The following INTS9 variants were observed in gnomAD, a reference collection of about 807,000 sequenced individuals.
The protein encoded by INTS9 is integrator complex subunit 9, also known as protein related to CPSF subunits of 74 kDa.
INTS9 carries 55 observed loss-of-function variants against 79.7 expected under a neutral mutation model. That is an observed-to-expected ratio of 0.69 (90% CI 0.56 to 0.86). The LOEUF (loss-of-function observed/expected upper bound fraction) is 0.86. INTS9 is among the 40% of genes least tolerant of loss of function. The pLI is 0.00. For missense variants in INTS9, 721 were observed against 831.5 expected (o/e 0.87, Z 1.64); for synonymous variants, 319 against 325.2 (o/e 0.98, Z 0.20).
At chr8:28,798,348 A>G (rs1278100089) in intron 8 of INTS9, 1 of 152,256 alleles carries the variant, frequency 6.6e-6, no homozygotes, top group Non-Finnish European at 1.5e-5. Flanking sequence ...ATCAATGGAT[A>G]GCACAGTTAG....
chr8:28,819,689 T>A (rs1056845176), intron 6 of INTS9, among the ~76,000 whole-genome samples: 11 of 152,312 alleles, frequency 7.2e-5, no homozygotes, highest in African/African-American at 2.6e-4. Flanking sequence ...CAGAGCTGAG[T>A]TCAATTCCTG....
At chr8:28,850,326 A>G in intron 2 of INTS9, 53 bp from the exon 3 acceptor site, 1 of 1,414,154 alleles carries the variant, frequency 7.1e-7, no homozygotes, top group Non-Finnish European at 1.0e-6. Context: ...ATAATCCTCA[A>G]TGACTTCATG....
chr8:28,786,666 A>C (rs1803608105), intron 11 of INTS9, among the ~76,000 whole-genome samples: 1 of 152,210 alleles, frequency 6.6e-6, no homozygotes, highest in African/African-American at 2.4e-5. Context: ...TTTAGGAACA[A>C]AACTGCGGAG....
At chr8:28,779,744 A>C (rs1016598462) in intron 12 of INTS9, among the ~76,000 whole-genome samples, 2 of 152,118 alleles carry the variant, frequency 1.3e-5, no homozygotes, top group Non-Finnish European at 2.9e-5. Context: ...TGCTGAAATG[A>C]GGCAATAAAC....
At position 28,812,423 on chromosome 8, in the gene INTS9, A is replaced by G; in HGVS notation, c.648T>C (p.Ser216=). The G allele has an allele frequency of 6.2e-7, 1 of 1,614,120 alleles. No homozygotes were observed. The highest frequency in any genetic ancestry group is 1.1e-5 in the South Asian group (1 of 91,076). Residue 216 remains serine, a synonymous_variant, in exon 8 of 17, where the codon TCT becomes TCC. Transcript: ENST00000521022. ...FGAVQVTPLS[S]GYALGSSNWI... ...AGTTGGAGCTCCCAAGGGCATAGCCAGAGCTCAGAGGAGTCACCTGGACCG... is the reference window on the plus strand; with the variant it reads ...AGTTGGAGCTCCCAAGGGCATAGCCGGAGCTCAGAGGAGTCACCTGGACCG...
intron 1 of INTS9, among the ~76,000 whole-genome samples, chr8:28,871,412 A>C (rs571839746): frequency 3.5e-4 from 53 of 152,030 alleles, no homozygotes; most frequent in Non-Finnish European, 6.2e-4. Flanking sequence ...GTAGGAGATA[A>C]CTTTTTTTTT....
chr8:28,857,740 G>T (rs1292345091), intron 2 of INTS9, among the ~76,000 whole-genome samples: 1 of 152,110 alleles, frequency 6.6e-6, no homozygotes, highest in East Asian at 1.9e-4. Context: ...TAGGCAGTGG[G>T]GATACAATGG....
At chr8:28,812,299 G>A in intron 8 of INTS9, 28 bp downstream of exon 8, 2 of 1,608,510 alleles carry the variant, frequency 1.2e-6, no homozygotes, top group Non-Finnish European at 1.7e-6. Context: ...CCAAAAAGCT[G>A]AGTTGCTAGA....
intron 8 of INTS9, among the ~76,000 whole-genome samples, chr8:28,800,371 C>T (rs1474736934): frequency 6.6e-6 from 1 of 152,032 alleles, no homozygotes; most frequent in Non-Finnish European, 1.5e-5. Flanking sequence ...TGTACTTGGC[C>T]AGGATGGAGA....
Position 28,776,904 on chromosome 8 carries a change from T to G in INTS9, c.1395+925A>C, listed in dbSNP as rs562722333. On this transcript the variant is annotated intron_variant, in intron 13 of 16. Coordinates refer to ENST00000521022, the MANE Select transcript of INTS9 (RefSeq NM_018250.4). ...TGAAAAGCAACACGCCTTTCACTGC[T>G]GCTTCTAACGTGGATGAGCATACAT... is the stretch of plus-strand genomic sequence containing the variant. 2.0e-5 allele frequency among the ~76,000 whole-genome samples: 3 copies of G among 152,342 alleles called. No individual in the cohort carries two copies. In the East Asian group the frequency reaches 5.8e-4, roughly 29 times the overall value.
chr8:28,871,345 T>G (rs370431205), intron 1 of INTS9, among the ~76,000 whole-genome samples: 8 of 152,236 alleles, frequency 5.3e-5, no homozygotes, highest in African/African-American at 1.9e-4. Context: ...ATCTTTATTA[T>G]GGAATCTGAG....
chr8:28,862,435 G>A (rs1365238840), intron 1 of INTS9, among the ~76,000 whole-genome samples: 1 of 152,002 alleles, frequency 6.6e-6, no homozygotes, highest in Non-Finnish European at 1.5e-5. Flanking sequence ...TGGTTTGTTT[G>A]GTCATTCATT....
chr8:28,808,649 C>A (rs758031625), intron 8 of INTS9, among the ~76,000 whole-genome samples: 1 of 152,212 alleles, frequency 6.6e-6, no homozygotes, highest in Non-Finnish European at 1.5e-5. Context: ...TCCTTGTTAA[C>A]TGGAATGGCC....
At chr8:28,859,819 G>A (rs1808356728) in intron 1 of INTS9, among the ~76,000 whole-genome samples, 2 of 152,160 alleles carry the variant, frequency 1.3e-5, no homozygotes, top group South Asian at 4.1e-4. Flanking sequence ...ATGGGCCACA[G>A]TTATTCAAAA....
intron 10 of INTS9, among the ~76,000 whole-genome samples, chr8:28,789,055 A>C (rs1312404839): frequency 6.6e-6 from 1 of 152,206 alleles, no homozygotes; most frequent in Admixed American, 6.5e-5. Context: ...TTAAAAAAAC[A>C]TCACTTTATA....
At chr8:28,790,812 G>A (rs1426121973) in intron 10 of INTS9, among the ~76,000 whole-genome samples, 2 of 152,048 alleles carry the variant, frequency 1.3e-5, no homozygotes, top group Admixed American at 6.5e-5. Flanking sequence ...CTACCTCAAC[G>A]CTGAGGACAC....
intron 2 of INTS9, among the ~76,000 whole-genome samples, chr8:28,859,095 A>C (rs1020506020): frequency 6.6e-6 from 1 of 152,062 alleles, no homozygotes; most frequent in Admixed American, 6.5e-5. Flanking sequence ...AAGGCTGCTA[A>C]ATAATTCTAA....
At chr8:28,773,291 G>A (rs1210285958) in intron 14 of INTS9, among the ~76,000 whole-genome samples, 1 of 151,724 alleles carries the variant, frequency 6.6e-6, no homozygotes. Flanking sequence ...ATGAAACCCC[G>A]TCTCTACTAA....
At chr8:28,796,743 T>G in intron 8 of INTS9, 88 bp from the exon 9 acceptor site, 1 of 833,478 alleles carries the variant, frequency 1.2e-6, no homozygotes, top group Non-Finnish European at 2.1e-6. Flanking sequence ...CAGACATTGC[T>G]CTTTCTACGT....
Sources: allele counts gnomAD v4.1 joint callset (sites outside exome capture counted in the v4.1 genomes callset), GRCh38; gene constraint gnomAD v4.1.1; transcripts MANE v1.5; gene names NCBI Gene and HGNC (gene_info 2026-07-23, HGNC 2026-07-21).